Variants in STUM observed in about 807,000 individuals in gnomAD.
The protein encoded by STUM is protein stum homolog.
STUM carries 8 observed loss-of-function variants against 15.3 expected under a neutral mutation model. That is an observed-to-expected ratio of 0.52 (90% CI 0.31 to 0.94). STUM has a LOEUF of 0.94. Ranked by LOEUF, STUM falls within the 40% of genes least tolerant of loss-of-function variation. The probability of loss-of-function intolerance (pLI) is 0.05; values close to 1 mark genes in which losing one functional copy is unlikely to be tolerated. For missense variants in STUM, 142 were observed against 204.9 expected, an observed-to-expected ratio of 0.69 and a Z score of 1.87; for synonymous variants, 78 against 88.7, an observed-to-expected ratio of 0.88 and a Z score of 0.68.
At chr1:226,562,438 C>T (rs906574946) in intron 1 of STUM, among the ~76,000 whole-genome samples, 1 of 151,158 alleles carries the variant, frequency 6.6e-6, no homozygotes, top group African/African-American at 2.4e-5. Context: ...CACTGCACGC[C>T]CTCTCGAGCC....
chr1:226,549,198 G>C lies in STUM; in HGVS notation c.202+92G>C, dbSNP rs1667328362. 2.6e-6 allele frequency: 3 copies of C among 1,150,808 alleles called. No individual in the cohort carries two copies. Among genetic ancestry groups the C allele is most frequent in the East Asian group, 5.8e-5 (2 of 34,596 alleles). 71.3% of individuals were successfully genotyped at this position (1,150,808 alleles called of 1,614,324 possible). A position where few individuals can be genotyped will look rare whatever the true frequency, so the allele number is the denominator to read the frequency against. On this transcript the variant is annotated intron_variant, in intron 1 of 3. Transcript: ENST00000366788. This position sits in a 1 kb window ranked among gnomAD's most constrained non-coding sequence, Gnocchi z 6.8. ...GGGCGCGGCCGGAGACCTCCTGGCGGGGCCGCGCGCTCCAAGTGCTGCGAC... is the reference window on the plus strand; with the variant it reads ...GGGCGCGGCCGGAGACCTCCTGGCGCGGCCGCGCGCTCCAAGTGCTGCGAC...
Position 226,607,307 on chromosome 1 carries a change from G to A in STUM, c.*5267G>A, listed in dbSNP as rs1346786592. The A allele has an allele frequency of 2.6e-5, 4 of 152,238 alleles. No individual in the cohort carries two copies. The East Asian group carries it at 7.7e-4, about 29-fold the overall frequency. 9.4% of individuals were successfully genotyped at this position (152,238 alleles called of 1,614,324 possible). On this transcript the variant is annotated 3_prime_UTR_variant, in exon 4 of 4. Coordinates refer to ENST00000366788, the MANE Select transcript of STUM (RefSeq NM_001003665.4). ...CAGTCATGCACCACCCTCAATCCCAGGCCCTGCAGAGATAGGAAGAATCCC... is the reference window on the plus strand; with the variant it reads ...CAGTCATGCACCACCCTCAATCCCAAGCCCTGCAGAGATAGGAAGAATCCC...
intron 1 of STUM, among the ~76,000 whole-genome samples, chr1:226,583,688 T>G (rs1055686746): frequency 8.5e-5 from 13 of 152,178 alleles, no homozygotes; most frequent in African/African-American, 2.4e-4. Flanking sequence ...TGTCACTGGC[T>G]ATCTTTTGAT....
At chr1:226,553,353 A>G (rs745757708) in intron 1 of STUM, among the ~76,000 whole-genome samples, 4 of 152,240 alleles carry the variant, frequency 2.6e-5, no homozygotes, top group African/African-American at 4.8e-5. Flanking sequence ...CAAAAAAACC[A>G]CCCAAACAAA....
chr1:226,601,930 G>A (rs1668274743), intron 3 of STUM, 76 bp from the exon 4 acceptor site: 1 of 1,294,766 alleles, frequency 7.7e-7, no homozygotes, highest in Non-Finnish European at 1.1e-6. Flanking sequence ...TGTGCATTCT[G>A]GGCTAGGGGC....
chr1:226,557,937 C>T (rs1667473927), intron 1 of STUM, among the ~76,000 whole-genome samples: 1 of 152,168 alleles, frequency 6.6e-6, no homozygotes, highest in African/African-American at 2.4e-5. Flanking sequence ...ATTCAACATC[C>T]TTTCATGATA....
intron 1 of STUM, among the ~76,000 whole-genome samples, chr1:226,568,750 G>A (rs1667660623): frequency 6.6e-6 from 1 of 152,256 alleles, no homozygotes; most frequent in Admixed American, 6.5e-5. Context: ...GAGGCCCAAG[G>A]CATGAAATGC....
At position 226,596,908 on chromosome 1, in the gene STUM, A is replaced by C; in HGVS notation, c.309A>C (p.Gln103His). ...TGAACATTGCAGCAGCCCTCATCCAAATCCTCACTGCCATCGTCATGGTGG... is the reference window on the plus strand; with the variant it reads ...TGAACATTGCAGCAGCCCTCATCCACATCCTCACTGCCATCGTCATGGTGG... ...FWLNIAAALI[Q>H]ILTAIVMVGW... The change falls in exon 2 of 4, where the codon CAA becomes CAC. Residue 103 changes from glutamine (Q) to histidine (H), a missense_variant. By Grantham distance (24) the Gln-to-His change is conservative. Transcript: ENST00000366788. 2 of 1,614,144 alleles carry C rather than the reference A, an allele frequency of 1.2e-6. No individual in the cohort carries two copies. The highest frequency in any genetic ancestry group is 1.7e-6 in the Non-Finnish European group (2 of 1,180,016).
At chr1:226,554,309 T>C (rs1331680157) in intron 1 of STUM, among the ~76,000 whole-genome samples, 1 of 152,242 alleles carries the variant, frequency 6.6e-6, no homozygotes, top group Non-Finnish European at 1.5e-5. Context: ...TTTGTGGTTG[T>C]TGGTCTTGTT....
intron 1 of STUM, among the ~76,000 whole-genome samples, chr1:226,570,716 A>T (rs1667693133): frequency 6.6e-6 from 1 of 152,100 alleles, no homozygotes; most frequent in Non-Finnish European, 1.5e-5. Context: ...TATCCTTCAT[A>T]TGTGAAGGGT....
chr1:226,597,510 C>T (rs1369913372), intron 2 of STUM: 5 of 467,974 alleles, frequency 1.1e-5, no homozygotes, highest in Non-Finnish European at 1.8e-5. Context: ...GTGTCCTATA[C>T]CCCCCAAAAC....
At position 226,567,741 on chromosome 1, in the gene STUM, T is replaced by G. The variant is rs1382726275; in HGVS notation, c.202+18635T>G. ...CGTGCCAGCGTGAGATGGATGATTC[T>G]GCCGAGGGGTCTCTAGTGAGCAGGT... On this transcript the variant is annotated intron_variant, in intron 1 of 3. Coordinates refer to ENST00000366788, the MANE Select transcript of STUM (RefSeq NM_001003665.4). This position sits in a 1 kb window ranked among gnomAD's most constrained non-coding sequence, Gnocchi z 4.5. 1.3e-5 allele frequency among the ~76,000 whole-genome samples: 2 copies of G among 152,218 alleles called. No individual in the cohort carries two copies. Among genetic ancestry groups the G allele is most frequent in the Admixed American group, 1.3e-4 (2 of 15,278 alleles).
At chr1:226,564,629 T>C (rs557439651) in intron 1 of STUM, among the ~76,000 whole-genome samples, 2 of 152,346 alleles carry the variant, frequency 1.3e-5, no homozygotes, top group East Asian at 3.9e-4. Flanking sequence ...AGCATGTGGG[T>C]TACTCTTATC....
chr1:226,589,278 C>A (rs1005353951), intron 1 of STUM, among the ~76,000 whole-genome samples: 22 of 152,320 alleles, frequency 1.4e-4, no homozygotes, highest in Middle Eastern at 6.8e-3. Flanking sequence ...AGAGCCGCCC[C>A]CTTCCTGATG....
At chr1:226,590,802 T>C (rs1014039666) in intron 1 of STUM, among the ~76,000 whole-genome samples, 1 of 152,214 alleles carries the variant, frequency 6.6e-6, no homozygotes, top group African/African-American at 2.4e-5. Context: ...GCAGATGCTT[T>C]TCCCCTCCTC....
intron 1 of STUM, among the ~76,000 whole-genome samples, chr1:226,593,741 G>A (rs1299504371): frequency 6.6e-6 from 1 of 152,206 alleles, no homozygotes; most frequent in Non-Finnish European, 1.5e-5. Context: ...TCTGTGCCAG[G>A]AACACAGTGG....
In STUM at chr1:226,565,633, G is replaced by A. The variant is rs1459838364; in HGVS notation, c.202+16527G>A. Among the ~76,000 whole-genome samples the A allele has an allele frequency of 1.3e-5, 2 of 152,182 alleles. No homozygotes were observed. The highest frequency in any genetic ancestry group is 1.5e-5 in the Non-Finnish European group (1 of 68,022). ...CTGGTGCTCAGGAGATGCCTCAGCT[G>A]GGGGAGGGGTGGAGACTTGAGAAGG... On this transcript the variant is annotated intron_variant, in intron 1 of 3. Coordinates refer to ENST00000366788, the MANE Select transcript of STUM (RefSeq NM_001003665.4). The surrounding 1 kb of genome is among the most constrained non-coding windows in gnomAD (Gnocchi z 4.4).
At chr1:226,589,251 C>A (rs1668046645) in intron 1 of STUM, among the ~76,000 whole-genome samples, 1 of 152,202 alleles carries the variant, frequency 6.6e-6, no homozygotes. Context: ...AGCTCTCAGG[C>A]TCTATCTCGT....
rs904675769 is a variant in STUM, at chr1:226,600,013, G to A, written c.383-653G>A. Reference sequence around the variant, plus strand: ...TGGCTAAGCACATAGCTCAGACAGAGCCAGTGTGGGGCCAGGATGGGGCAC... The same window carrying A: ...TGGCTAAGCACATAGCTCAGACAGAACCAGTGTGGGGCCAGGATGGGGCAC... On this transcript the variant is annotated intron_variant, in intron 2 of 3. Transcript: ENST00000366788. This position sits in a 1 kb window ranked among gnomAD's most constrained non-coding sequence, Gnocchi z 5.2. Among the ~76,000 whole-genome samples, 6 of 152,230 alleles carry A rather than the reference G, an allele frequency of 3.9e-5. No individual in the cohort carries two copies. The highest frequency in any genetic ancestry group is 1.4e-4 in the African/African-American group (6 of 41,458).
Sources: allele counts gnomAD v4.1 joint callset (sites outside exome capture counted in the v4.1 genomes callset), GRCh38; gene constraint gnomAD v4.1.1; non-coding constraint Gnocchi (gnomAD v3.1); transcripts MANE v1.5; gene names NCBI Gene and HGNC (gene_info 2026-07-23, HGNC 2026-07-21).